The following EPB41L5 variants were observed in gnomAD, a reference collection of about 807,000 sequenced individuals.
EPB41L5 encodes erythrocyte membrane protein band 4.1 like 5.
EPB41L5 carries 55 observed loss-of-function variants against 106.6 expected under a neutral mutation model. The ratio of observed to expected loss-of-function variants is 0.52; its 90% CI spans 0.42 to 0.65. The LOEUF is 0.65. Among genes scored for constraint, EPB41L5 ranks in the 30% least tolerant of loss-of-function variants. The pLI, the probability that EPB41L5 is intolerant of heterozygous loss-of-function variation, is 0.00. For missense variants in EPB41L5, 871 were observed against 882.1 expected (o/e 0.99, Z 0.16); for synonymous variants, 297 against 306.7 (o/e 0.97, Z 0.33).
chr2:120,117,085 A>G (rs1460954902), intron 16 of EPB41L5, among the ~76,000 whole-genome samples: 1 of 152,228 alleles, frequency 6.6e-6, no homozygotes, highest in African/African-American at 2.4e-5. Context: ...ATACAGTTCC[A>G]GTTTGAGTAT....
In EPB41L5 at chr2:120,074,093, A is replaced by G. The variant is rs1268173453; in HGVS notation, c.329-7A>G. On this transcript the variant is annotated splice_region_variant and splice_polypyrimidine_tract_variant and intron_variant, in intron 4 of 24. Transcript: ENST00000263713. Reference sequence around the variant, plus strand: ...TTATTAAAACCTTTTTTTTTTTTAAATGACAGTTGGTTCACCCTATTGTCT... The same window carrying G: ...TTATTAAAACCTTTTTTTTTTTTAAGTGACAGTTGGTTCACCCTATTGTCT... The G allele has an allele frequency of 3.2e-6, 5 of 1,582,596 alleles. No individual in the cohort carries two copies. Among genetic ancestry groups the G allele is most frequent in the African/African-American group, 1.4e-5 (1 of 72,614 alleles).
chr2:120,165,904 C>T (rs1052972512), intron 22 of EPB41L5, among the ~76,000 whole-genome samples: 1 of 131,278 alleles, frequency 7.6e-6, no homozygotes, highest in African/African-American at 2.9e-5. Flanking sequence ...GGAGATGGAG[C>T]GTGCAGTGAG....
At chr2:120,027,609 T>C (rs1678419537) in intron 2 of EPB41L5, among the ~76,000 whole-genome samples, 1 of 152,142 alleles carries the variant, frequency 6.6e-6, no homozygotes, top group South Asian at 2.1e-4. Flanking sequence ...CTTGCTACGT[T>C]GTCCAGGCTG....
intron 2 of EPB41L5, among the ~76,000 whole-genome samples, chr2:120,040,024 T>C (rs1369225228): frequency 6.6e-6 from 1 of 151,676 alleles, no homozygotes; most frequent in African/African-American, 2.4e-5. Context: ...GTTTTAAATG[T>C]AATTTTGTCA....
intron 20 of EPB41L5, among the ~76,000 whole-genome samples, chr2:120,146,930 G>A (rs201644593): frequency 4.6e-5 from 7 of 152,090 alleles, no homozygotes; most frequent in East Asian, 1.9e-4. Context: ...TCCAGATACC[G>A]CAGTCAACAT....
rs139385899 is a variant in EPB41L5 at position 120,119,699 on chromosome 2, A to T, written c.1338-7989A>T. Among the ~76,000 whole-genome samples, 198 of 152,158 alleles carry T rather than the reference A, an allele frequency of 1.3e-3. 1 individual carries two copies. Among genetic ancestry groups the T allele is most frequent in the African/African-American group, 4.4e-3 (184 of 41,538 alleles). Reference sequence around the variant, plus strand: ...AAGAGAGAATCAGCAAGACGGTGTAACGTATCCAAAGGAGAATTTAAAAAC... The same window carrying T: ...AAGAGAGAATCAGCAAGACGGTGTATCGTATCCAAAGGAGAATTTAAAAAC... On this transcript the variant is annotated intron_variant, in intron 16 of 24. Coordinates refer to ENST00000263713, the MANE Select transcript of EPB41L5 (RefSeq NM_020909.4).
intron 10 of EPB41L5, among the ~76,000 whole-genome samples, chr2:120,086,006 G>T (rs1422256928): frequency 6.6e-6 from 1 of 152,128 alleles, no homozygotes; most frequent in East Asian, 1.9e-4. Context: ...GACCAGCCTG[G>T]CCAACATGGT....
intron 11 of EPB41L5, among the ~76,000 whole-genome samples, chr2:120,087,448 G>A (rs1426446667): frequency 6.6e-6 from 1 of 152,118 alleles, no homozygotes; most frequent in Non-Finnish European, 1.5e-5. Context: ...TAATATAAAA[G>A]TGTCTTCTTG....
At chr2:120,021,185 C>CA (rs1450980519) in intron 2 of EPB41L5, among the ~76,000 whole-genome samples, 3 of 151,980 alleles carry the variant, frequency 2.0e-5, no homozygotes, top group African/African-American at 7.2e-5. Flanking sequence ...ACTAAAAATA[C>CA]AAAAATTAAC....
chr2:120,053,368 A>G (rs1279541544), intron 3 of EPB41L5, among the ~76,000 whole-genome samples: 2 of 152,198 alleles, frequency 1.3e-5, no homozygotes, highest in African/African-American at 4.8e-5. Context: ...TTTACATACC[A>G]TAAAGTTCAC....
intron 3 of EPB41L5, among the ~76,000 whole-genome samples, chr2:120,055,995 T>G (rs564704070): frequency 6.6e-6 from 1 of 152,118 alleles, no homozygotes; most frequent in African/African-American, 2.4e-5. Context: ...GCAGTGGGAG[T>G]GGACACCCTT....
intron 22 of EPB41L5, among the ~76,000 whole-genome samples, chr2:120,165,745 A>C (rs1488092734): frequency 6.6e-6 from 1 of 152,120 alleles, no homozygotes; most frequent in Non-Finnish European, 1.5e-5. Context: ...AGGTGGGCAG[A>C]TCACTTGAGG....
intron 2 of EPB41L5, among the ~76,000 whole-genome samples, chr2:120,029,796 G>A (rs1037203805): frequency 1.3e-5 from 2 of 152,020 alleles, no homozygotes; most frequent in African/African-American, 2.4e-5. Flanking sequence ...AAATACTACC[G>A]CCTTTGTCAT....
chr2:120,143,906 T>C (rs1686287771), intron 19 of EPB41L5, among the ~76,000 whole-genome samples: 2 of 152,248 alleles, frequency 1.3e-5, no homozygotes, highest in Admixed American at 1.3e-4. Flanking sequence ...CTTGGGCAAG[T>C]TAGTTGATTT....
intron 10 of EPB41L5, among the ~76,000 whole-genome samples, chr2:120,085,475 G>A (rs539791879): frequency 2.2e-4 from 34 of 152,252 alleles, no homozygotes; most frequent in Non-Finnish European, 4.0e-4. Flanking sequence ...TTGAAGCTTC[G>A]TCTCAGAGGG....
Position 120,170,854 on chromosome 2 carries a change from A to C in EPB41L5, c.2135+2847A>C, listed in dbSNP as rs75449104. 7.6e-4 allele frequency among the ~76,000 whole-genome samples: 116 copies of C among 152,336 alleles called. 1 individual carries two copies. Among genetic ancestry groups the C allele is most frequent in the African/African-American group, 2.6e-3 (107 of 41,576 alleles). ...CTATAATGGTTACCCTTGATGTGCTAGTGAATAGAAGAGAGCCCAAAAGCA... is the reference window on the plus strand; with the variant it reads ...CTATAATGGTTACCCTTGATGTGCTCGTGAATAGAAGAGAGCCCAAAAGCA... On this transcript the variant is annotated intron_variant, in intron 24 of 24. Coordinates refer to ENST00000263713, the MANE Select transcript of EPB41L5 (RefSeq NM_020909.4).
At chr2:120,019,596 T>A (rs928814129) in intron 2 of EPB41L5, among the ~76,000 whole-genome samples, 4 of 152,240 alleles carry the variant, frequency 2.6e-5, no homozygotes, top group African/African-American at 2.4e-5. Context: ...CTGACAATCC[T>A]TGTTGAACCA....
chr2:120,103,704 T>G (rs1003180679), intron 16 of EPB41L5, among the ~76,000 whole-genome samples: 1 of 152,172 alleles, frequency 6.6e-6, no homozygotes, highest in African/African-American at 2.4e-5. Context: ...TTATGAATAT[T>G]TTTTTCTTCT....
At chr2:120,156,830 C>T (rs1435153139) in intron 20 of EPB41L5, among the ~76,000 whole-genome samples, 1 of 152,180 alleles carries the variant, frequency 6.6e-6, no homozygotes. Context: ...TACTCCCACA[C>T]AGTAATAGTG....
Sources: gnomAD v4.1 joint callset for allele counts (sites outside exome capture counted in the v4.1 genomes callset) on GRCh38, gnomAD v4.1.1 for gene constraint, MANE v1.5 for transcripts, NCBI Gene and HGNC (gene_info 2026-07-23, HGNC 2026-07-21) for gene names.